The following NFASC variants were observed in gnomAD, a reference collection of about 807,000 sequenced individuals.
NFASC encodes the protein neurofascin.
Under a neutral mutation model 147.5 loss-of-function variants are expected in NFASC, and 43 were observed. The observed-to-expected ratio is 0.29, with a 90% CI of 0.23 to 0.38. NFASC has a LOEUF of 0.38. Ranked by LOEUF, NFASC falls within the 10% of genes least tolerant of loss-of-function variation. The probability of loss-of-function intolerance (pLI) is 1.00; values close to 1 mark genes in which losing one functional copy is unlikely to be tolerated. For synonymous variants in NFASC, 622 were observed against 665.5 expected, an observed-to-expected ratio of 0.93 and a Z score of 1.01; for missense variants, 1,320 against 1,689.0, an observed-to-expected ratio of 0.78 and a Z score of 3.83.
intron 2 of NFASC, among the ~76,000 whole-genome samples, chr1:204,936,197 TC>T (rs67187400): frequency 0.41 from 40,669 of 98,010 alleles, 8,290 homozygotes; most frequent in East Asian, 0.73. Flanking sequence ...TCTCTCTCTT[TC>T]TTTTTCTTTT....
intron 25 of NFASC, chr1:204,998,890 C>T (rs2095909481): frequency 6.6e-6 from 1 of 152,272 alleles, no homozygotes; most frequent in African/African-American, 2.4e-5. Context: ...CAGAGTCTCA[C>T]TCCTCAAGTT....
At chr1:204,866,305 C>A (rs1341491395) in intron 1 of NFASC, among the ~76,000 whole-genome samples, 1 of 152,114 alleles carries the variant, frequency 6.6e-6, no homozygotes, top group Non-Finnish European at 1.5e-5. Flanking sequence ...AGAGGATGAT[C>A]AAGGGATGCT....
At chr1:204,959,150 C>A (rs79158927) in intron 8 of NFASC, among the ~76,000 whole-genome samples, 1 of 144,490 alleles carries the variant, frequency 6.9e-6, no homozygotes, top group Non-Finnish European at 1.5e-5. Flanking sequence ...TTTCTTTCTT[C>A]TTTTCCATCT....
intron 1 of NFASC, among the ~76,000 whole-genome samples, chr1:204,859,514 A>G (rs2076484476): frequency 6.6e-6 from 1 of 152,206 alleles, no homozygotes. Context: ...TTAGTGCCAC[A>G]TAGTGGGTGC....
chr1:204,987,544 C>T lies in NFASC; in HGVS notation c.2593+4C>T, dbSNP rs374941087. ...TACACTCTCAAATATGTGGCCTGTA[C>T]GTTCTGCCCTTCCCTTTCTCTTAGA... On this transcript the variant is annotated splice_donor_region_variant and intron_variant, in intron 22 of 29. Transcript: ENST00000339876. This position sits in a 1 kb window ranked among gnomAD's most constrained non-coding sequence, Gnocchi z 4.4. 40 of 1,613,986 alleles carry T rather than the reference C, an allele frequency of 2.5e-5. No individual in the cohort carries two copies. The African/African-American group carries it at 2.8e-4, about 11-fold the overall frequency.
At position 205,013,544 on chromosome 1, in the gene NFASC, C is replaced by G. The variant is rs1355868634; in HGVS notation, c.3491+678C>G. On this transcript the variant is annotated intron_variant, in intron 29 of 29. Transcript: ENST00000339876. ...TGGCAAAGCTGGAAAGGCCAGGTCC[C>G]GCATTTCCAGCTGGTGCTGCTATTC... is the stretch of plus-strand genomic sequence containing the variant. Among the ~76,000 whole-genome samples, 6 of 152,292 alleles carry G rather than the reference C, an allele frequency of 3.9e-5. No homozygotes were observed. In the East Asian group the frequency reaches 7.7e-4, roughly 20 times the overall value.
intron 8 of NFASC, chr1:204,962,027 G>C: frequency 9.2e-7 from 1 of 1,088,094 alleles, no homozygotes; most frequent in East Asian, 2.4e-5. Context: ...TTCTGGCTTT[G>C]CATTTGTTTT....
chr1:205,017,325 A>G lies in NFASC; in HGVS notation c.*786A>G, dbSNP rs986986404. 1 of 155,912 alleles carries G rather than the reference A, an allele frequency of 6.4e-6. No individual in the cohort carries two copies. The highest frequency in any genetic ancestry group is 1.9e-4 in the South Asian group (1 of 5,134). The allele number at this position is 155,912 out of a possible 1,614,324, so 9.7% of individuals were successfully genotyped here. On this transcript the variant is annotated 3_prime_UTR_variant, in exon 30 of 30. Transcript: ENST00000339876. ...TGCCCTTTTCTCTGGAATATCTAAG[A>G]TGTGAGCTGCATTGACTCTGAAGAC...
intron 1 of NFASC, among the ~76,000 whole-genome samples, chr1:204,851,974 G>C (rs1474749613): frequency 1.3e-5 from 2 of 152,192 alleles, no homozygotes; most frequent in East Asian, 3.8e-4. Context: ...GAACAGGTGA[G>C]TATAGTAGTT....
intron 1 of NFASC, among the ~76,000 whole-genome samples, chr1:204,863,647 C>T (rs1027030389): frequency 1.3e-5 from 2 of 151,866 alleles, no homozygotes; most frequent in East Asian, 3.8e-4. Context: ...GTCAGGAGTT[C>T]GAGACCAGTC....
rs899968580 is a variant in NFASC at position 205,017,789 on chromosome 1, A to G, written c.*1250A>G. ...CAGGTCTGCCCTTTCATTGGGGTGT[A>G]TACATATCAGGGGACCCTGAGGTGG... On this transcript the variant is annotated 3_prime_UTR_variant, in exon 30 of 30. Transcript: ENST00000339876. 1.3e-5 allele frequency: 2 copies of G among 152,716 alleles called. No individual in the cohort carries two copies. The highest frequency in any genetic ancestry group is 6.5e-5 in the Admixed American group (1 of 15,286). The allele number at this position is 152,716 out of a possible 1,614,324, so 9.5% of individuals were successfully genotyped here.
intron 1 of NFASC, among the ~76,000 whole-genome samples, chr1:204,848,698 T>C (rs1417106615): frequency 1.3e-5 from 2 of 152,256 alleles, no homozygotes; most frequent in East Asian, 3.8e-4. Flanking sequence ...GTACTTTTTC[T>C]GTTGGTCTTC....
At position 204,975,449 on chromosome 1, in the gene NFASC, C is replaced by A; in HGVS notation, c.1706+31C>A. On this transcript the variant is annotated intron_variant, in intron 15 of 29. Transcript: ENST00000339876. This position sits in a 1 kb window ranked among gnomAD's most constrained non-coding sequence, Gnocchi z 4.0. ...TCTTCCCCCTTCCCCCTTCCTAGTG[C>A]TAGTTTGAGGCGCATTTTCTTTTCC... 1 of 1,593,874 alleles carries A rather than the reference C, an allele frequency of 6.3e-7. No individual in the cohort carries two copies. Among genetic ancestry groups the A allele is most frequent in the Non-Finnish European group, 8.6e-7 (1 of 1,164,414 alleles).
At chr1:204,980,167 C>G (rs529543916) in intron 19 of NFASC, among the ~76,000 whole-genome samples, 2 of 152,206 alleles carry the variant, frequency 1.3e-5, no homozygotes, top group Non-Finnish European at 2.9e-5. Context: ...AGAAATTAGC[C>G]CTGCTCTGGG....
intron 1 of NFASC, among the ~76,000 whole-genome samples, chr1:204,899,410 G>C (rs2084070864): frequency 8.1e-6 from 1 of 123,626 alleles, no homozygotes; most frequent in Non-Finnish European, 1.5e-5. Context: ...CCGGCAGCTG[G>C]GCAACACTCA....
At position 205,001,187 on chromosome 1, in the gene NFASC, A is replaced by C; in HGVS notation, c.3037A>C (p.Ile1013Leu). ...IHESAPDEQS[I>L]WNVTVLPNSK... ...TCCACCAGCCCCTGATGAGCAGTCC[A>C]TATGGAACGTCACGGTGCTCCCCAA... Residue 1013 changes from isoleucine to leucine, a missense_variant, in exon 26 of 30, where the codon ATA becomes CTA. This residue lies in a region of NFASC where 172 missense variants were observed against 165.8 expected (regional missense o/e 1.04). Coordinates refer to ENST00000339876, the MANE Select transcript of NFASC (RefSeq NM_001005388.3). 3 of 1,610,398 alleles carry C rather than the reference A, an allele frequency of 1.9e-6. No individual in the cohort carries two copies. The highest frequency in any genetic ancestry group is 2.5e-6 in the Non-Finnish European group (3 of 1,178,004).
chr1:204,962,404 C>T (rs1311909485), intron 8 of NFASC, among the ~76,000 whole-genome samples: 1 of 152,170 alleles, frequency 6.6e-6, no homozygotes, highest in Non-Finnish European at 1.5e-5. Context: ...TTGTTCAAAC[C>T]AGGGTAGGAC....
At chr1:204,918,398 C>G (rs560825237) in intron 1 of NFASC, among the ~76,000 whole-genome samples, 1 of 152,158 alleles carries the variant, frequency 6.6e-6, no homozygotes, top group Admixed American at 6.5e-5. Flanking sequence ...TTAGTGTATT[C>G]TATGTGTGGC....
intron 8 of NFASC, among the ~76,000 whole-genome samples, chr1:204,963,273 G>T (rs114582268): frequency 0.02 from 2,973 of 152,302 alleles, 89 homozygotes; most frequent in African/African-American, 0.067. Flanking sequence ...ACCTTTGTTG[G>T]ATTCTAAGCA....
Sources: allele counts gnomAD v4.1 joint callset (sites outside exome capture counted in the v4.1 genomes callset), GRCh38; gene constraint gnomAD v4.1.1; regional missense constraint gnomAD v4.1.1; non-coding constraint Gnocchi (gnomAD v3.1); transcripts MANE v1.5; gene names NCBI Gene and HGNC (gene_info 2026-07-23, HGNC 2026-07-21).